GRHL1: variants seen among roughly 807,000 people sequenced by gnomAD.
The protein encoded by GRHL1 is grainyhead like transcription factor 1.
A neutral mutation model predicts 75.7 loss-of-function variants in GRHL1; 38 were observed. That is an observed-to-expected ratio of 0.50 (90% CI 0.39 to 0.66). The LOEUF (loss-of-function observed/expected upper bound fraction) is 0.66. Ranked by LOEUF, GRHL1 falls within the 30% of genes least tolerant of loss-of-function variation. The pLI, the probability that GRHL1 is intolerant of heterozygous loss-of-function variation, is 0.00. For synonymous variants in GRHL1, 266 were observed against 279.4 expected, an observed-to-expected ratio of 0.95 and a Z score of 0.48; for missense variants, 589 against 767.5, an observed-to-expected ratio of 0.77 and a Z score of 2.75.
intron 7 of GRHL1, 52 bp from the exon 8 acceptor site, chr2:9,965,235 G>A (rs373571281): frequency 5.5e-6 from 5 of 910,500 alleles, no homozygotes; most frequent in Non-Finnish European, 9.2e-6. Flanking sequence ...GGGATCCCAT[G>A]TTGAAACTAA....
rs981252693 is a variant in GRHL1 at position 9,990,866 on chromosome 2, G to A, written c.1321+119G>A. ...AGTTTGCACGCAGAAGACAGTGGGTGTTCTTCCTGTTCTGCAGTGTGGCAC... is the reference window on the plus strand; with the variant it reads ...AGTTTGCACGCAGAAGACAGTGGGTATTCTTCCTGTTCTGCAGTGTGGCAC... On this transcript the variant is annotated intron_variant, in intron 10 of 15. Coordinates refer to ENST00000324907, the MANE Select transcript of GRHL1 (RefSeq NM_198182.3). The surrounding 1 kb of genome is among the most constrained non-coding windows in gnomAD (Gnocchi z 4.2). The A allele has an allele frequency of 4.2e-6, 3 of 720,452 alleles. No individual in the cohort carries two copies. Among genetic ancestry groups the A allele is most frequent in the South Asian group, 1.8e-5 (1 of 54,990 alleles). 44.6% of individuals were successfully genotyped at this position (720,452 alleles called of 1,614,324 possible).
At position 9,969,771 on chromosome 2, in the gene GRHL1, C is replaced by T. The variant is rs149282149; in HGVS notation, c.1110+4390C>T. ...AGTATGGCAGATGGGAAAACAGCTG[C>T]GGTCAAAGGAAATTGCAGGATTTCT... On this transcript the variant is annotated intron_variant, in intron 8 of 15. Transcript: ENST00000324907. 5.8e-3 allele frequency among the ~76,000 whole-genome samples: 881 copies of T among 151,108 alleles called. 8 individuals carry two copies. The highest frequency in any genetic ancestry group is 8.5e-3 in the Non-Finnish European group (580 of 67,900).
rs113482934 is a variant in GRHL1 at position 9,960,639 on chromosome 2, C to G, written c.279-407C>G. ...TGTCCCCATTTTGCAGATGAGGATT[C>G]AGTTACTAAGAGATGAAGTAACTTG... On this transcript the variant is annotated intron_variant, in intron 3 of 15. Transcript: ENST00000324907. The G allele has an allele frequency of 4.0e-3, 669 of 167,374 alleles. 9 individuals are homozygous for G. The highest frequency in any genetic ancestry group is 0.015 in the African/African-American group (644 of 41,860). The allele number at this position is 167,374 out of a possible 1,614,324, so 10.4% of individuals were successfully genotyped here.
At chr2:9,991,101 TAATG>T (rs1386932835) in intron 10 of GRHL1, among the ~76,000 whole-genome samples, 1 of 152,222 alleles carries the variant, frequency 6.6e-6, no homozygotes. Context: ...AAAGTAATAA[TAATG>T]GTCTTGAGAA....
chr2:9,953,813 G>A lies in GRHL1; in HGVS notation c.21-1102G>A, dbSNP rs79958295. Among the ~76,000 whole-genome samples, 1,417 of 152,278 alleles carry A rather than the reference G, an allele frequency of 9.3e-3. 7 individuals carry two copies. Among genetic ancestry groups the A allele is most frequent in the Middle Eastern group, 0.027 (8 of 294 alleles). ...TTTAGGCCATTTACATATTTCATTT[G>A]TGTGTTGCAATGAGAGCCAGTCCTT... is the stretch of plus-strand genomic sequence containing the variant. On this transcript the variant is annotated intron_variant, in intron 1 of 15. Coordinates refer to ENST00000324907, the MANE Select transcript of GRHL1 (RefSeq NM_198182.3).
chr2:9,986,564 A>C (rs984255898), intron 9 of GRHL1, among the ~76,000 whole-genome samples: 31 of 146,726 alleles, frequency 2.1e-4, no homozygotes, highest in Non-Finnish European at 4.6e-4. Flanking sequence ...TTACAGGTGC[A>C]CACCACCACG....
intron 8 of GRHL1, among the ~76,000 whole-genome samples, chr2:9,976,423 C>T (rs1323787928): frequency 2.6e-5 from 4 of 152,076 alleles, no homozygotes; most frequent in African/African-American, 7.2e-5. Context: ...CAGAGGAAGG[C>T]CCTGGGGTGC....
chr2:9,992,139 G>A lies in GRHL1; in HGVS notation c.1454G>A (p.Gly485Asp), dbSNP rs756203982. The A allele has an allele frequency of 5.6e-6, 9 of 1,612,454 alleles. No homozygotes were observed. Residue 485 changes from glycine (G) to aspartate (D), a missense_variant, in exon 11 of 16, where the codon GGC becomes GAC. Around this residue, in one of 5 missense-constraint regions of GRHL1, gnomAD observed 192 missense variants for 226.6 expected, o/e 0.85. Coordinates refer to ENST00000324907, the MANE Select transcript of GRHL1 (RefSeq NM_198182.3). The surrounding 1 kb of genome is among the most constrained non-coding windows in gnomAD (Gnocchi z 4.6). ...PDVHFANLQR[G>D]THVLPIASEE... Reference sequence around the variant, plus strand: ...GTGCACTTTGCCAACTTGCAGCGGGGCACTCATGTAGGTAACCAGGATCCC... The same window carrying A: ...GTGCACTTTGCCAACTTGCAGCGGGACACTCATGTAGGTAACCAGGATCCC...
Position 9,984,895 on chromosome 2 carries a change from C to CT in GRHL1, c.1111-1228dup, listed in dbSNP as rs1247703007. 8.8e-5 allele frequency among the ~76,000 whole-genome samples: 12 copies of CT among 135,970 alleles called. No individual in the cohort carries two copies. In the Admixed American group the frequency reaches 9.6e-4, roughly 11 times the overall value. The allele number at this position is 135,970 out of a possible 152,430, so 89.2% of individuals were successfully genotyped here. On this transcript the variant is annotated intron_variant, in intron 8 of 15. Coordinates refer to ENST00000324907, the MANE Select transcript of GRHL1 (RefSeq NM_198182.3). Reference sequence around the variant, plus strand: ...TGGGCAACATAGTGGAACCCTGTCTCTAAAAAAAAAAAAAATACAAAAATT... The same window carrying CT: ...TGGGCAACATAGTGGAACCCTGTCTCTTAAAAAAAAAAAAAATACAAAAATT...
At chr2:9,984,426 T>C (rs960474751) in intron 8 of GRHL1, among the ~76,000 whole-genome samples, 3 of 152,284 alleles carry the variant, frequency 2.0e-5, no homozygotes, top group Non-Finnish European at 4.4e-5. Context: ...CTAAAACTAG[T>C]TGAAAGGGAG....
At chr2:9,965,067 A>T (rs946668285) in intron 7 of GRHL1, 2 of 449,000 alleles carry the variant, frequency 4.5e-6, no homozygotes, top group Admixed American at 7.5e-5. Context: ...TAATTGTGAC[A>T]TAATGAGATT....
intron 8 of GRHL1, among the ~76,000 whole-genome samples, chr2:9,976,687 T>C (rs1468339822): frequency 6.6e-6 from 1 of 152,168 alleles, no homozygotes; most frequent in African/African-American, 2.4e-5. Flanking sequence ...TGAGGCCAGA[T>C]AAAGGCCACA....
Position 9,958,845 on chromosome 2 carries a change from T to A in GRHL1, c.267T>A (p.Asp89Glu), listed in dbSNP as rs200624579. Residue 89 changes from aspartate (D) to glutamate (E), a missense_variant, in exon 3 of 16, where the codon GAT (aspartate) becomes GAA (glutamate). By Grantham distance (45) the Asp-to-Glu change is conservative (BLOSUM62 2). Coordinates refer to ENST00000324907, the MANE Select transcript of GRHL1 (RefSeq NM_198182.3). ...CAGAGGTGGAGCACCCTGAGCCAGA[T>A]CACAGCAAAAGGTAACATTCAGTGC... ...AKPEVEHPEP[D>E]HSKRNSIPIV... is the part of the protein sequence containing the mutation. The A allele has an allele frequency of 1.0e-4, 168 of 1,613,604 alleles. No individual in the cohort carries two copies. Among genetic ancestry groups the A allele is most frequent in the Non-Finnish European group, 1.6e-5 (19 of 1,179,690 alleles).
rs1003685627 is a variant in GRHL1 at position 9,965,297 on chromosome 2, A to G, written c.1026A>G (p.Lys342=). Residue 342 remains lysine, a synonymous_variant, in exon 8 of 16, where the codon AAA becomes AAG. Transcript: ENST00000324907. ...KQRCIDIADY[K]ESFNTISNIE... is the part of the protein sequence containing the mutation. ...CACCGCTTCCTGTAGCTGACTATAA[A>G]GAAAGCTTCAACACTATCAGTAACA... 2.5e-6 allele frequency: 4 copies of G among 1,599,572 alleles called. No individual in the cohort carries two copies. In the African/African-American group the frequency reaches 5.4e-5, roughly 21 times the overall value.
intron 9 of GRHL1, among the ~76,000 whole-genome samples, chr2:9,989,822 T>G (rs1288846535): frequency 1.3e-5 from 2 of 152,140 alleles, no homozygotes; most frequent in Non-Finnish European, 2.9e-5. Flanking sequence ...AATGCTGGGA[T>G]TACAAGCGTG....
rs1018482042 is a variant in GRHL1, at chr2:9,987,041, C to T, written c.1269+759C>T. On this transcript the variant is annotated intron_variant, in intron 9 of 15. Coordinates refer to ENST00000324907, the MANE Select transcript of GRHL1 (RefSeq NM_198182.3). This position sits in a 1 kb window ranked among gnomAD's most constrained non-coding sequence, Gnocchi z 4.2. ...TCGCCCATGCTGGAGTGCAGTGGCG[C>T]AGTCTCGGCTCACTGCAGCCTCTGC... 1.3e-5 allele frequency among the ~76,000 whole-genome samples: 2 copies of T among 151,620 alleles called. No individual in the cohort carries two copies. Among genetic ancestry groups the T allele is most frequent in the African/African-American group, 4.9e-5 (2 of 41,196 alleles).
Position 9,995,705 on chromosome 2 carries a change from CCCTGGAGT to C in GRHL1, c.1500-172_1500-165del, listed in dbSNP as rs1372219789. 4.6e-5 allele frequency among the ~76,000 whole-genome samples: 7 copies of C among 152,274 alleles called. No individual in the cohort carries two copies. In the East Asian group the frequency reaches 1.4e-3, roughly 29 times the overall value. On this transcript the variant is annotated intron_variant, in intron 12 of 15. Coordinates refer to ENST00000324907, the MANE Select transcript of GRHL1 (RefSeq NM_198182.3). Reference sequence around the variant, plus strand: ...ATGTCTGCCTGTAAATATCCATGAGCCCTGGAGTCAGGATCTTCCTTTAGCCTGATTTT... The same window carrying C: ...ATGTCTGCCTGTAAATATCCATGAGCCAGGATCTTCCTTTAGCCTGATTTT...
intron 8 of GRHL1, among the ~76,000 whole-genome samples, chr2:9,971,297 C>T (rs768920017): frequency 1.7e-4 from 26 of 152,234 alleles, no homozygotes; most frequent in Non-Finnish European, 2.8e-4. Flanking sequence ...GTTTGTTTCA[C>T]AACTTTAAAT....
chr2:9,982,913 G>C (rs79586747), intron 8 of GRHL1, among the ~76,000 whole-genome samples: 1 of 152,122 alleles, frequency 6.6e-6, no homozygotes, highest in African/African-American at 2.4e-5. Context: ...AATCATAGAC[G>C]TCCAGAGGTA....
Sources: gnomAD v4.1 joint callset for allele counts (sites outside exome capture counted in the v4.1 genomes callset) on GRCh38, gnomAD v4.1.1 for gene constraint, gnomAD v4.1.1 regional missense constraint, Gnocchi (gnomAD v3.1) non-coding constraint, MANE v1.5 for transcripts, NCBI Gene and HGNC (gene_info 2026-07-23, HGNC 2026-07-21) for gene names.